Variants in PKD2L2 observed in about 807,000 individuals in gnomAD.
PKD2L2 encodes polycystin-2-like protein 2.
A neutral mutation model predicts 83.9 loss-of-function variants in PKD2L2; 67 were observed. That is an observed-to-expected ratio of 0.80 (90% CI 0.66 to 0.98). The LOEUF (loss-of-function observed/expected upper bound fraction) is 0.98. PKD2L2 is among the 50% of genes least tolerant of loss of function. The pLI is 0.00. For synonymous variants in PKD2L2, 223 were observed against 237.8 expected (o/e 0.94, Z 0.57); for missense variants, 632 against 717.2 (o/e 0.88, Z 1.36).
At chr5:137,889,887 A>T (rs1755798266) in intron 1 of PKD2L2, 1 of 275,040 alleles carries the variant, frequency 3.6e-6, no homozygotes, top group Non-Finnish European at 6.7e-6. Flanking sequence ...CTTCCCAAGA[A>T]GCTGTATTGA....
At chr5:137,911,011 C>T (rs975059518) in intron 8 of PKD2L2, among the ~76,000 whole-genome samples, 2 of 152,078 alleles carry the variant, frequency 1.3e-5, no homozygotes, top group East Asian at 3.8e-4. Context: ...TCTAAGTGTA[C>T]AGTTCAGTGA....
chr5:137,920,847 T>C (rs1431784008), intron 8 of PKD2L2, among the ~76,000 whole-genome samples: 3 of 152,010 alleles, frequency 2.0e-5, no homozygotes, highest in Non-Finnish European at 2.9e-5. Context: ...AAGTGACAAA[T>C]TGTTGGCATC....
intron 8 of PKD2L2, 42 bp downstream of exon 8, chr5:137,908,988 C>A: frequency 7.9e-7 from 1 of 1,262,002 alleles, no homozygotes; most frequent in Non-Finnish European, 1.1e-6. Flanking sequence ...TCTATATTTT[C>A]TTACAAAAAA....
At position 137,936,351 on chromosome 5, in the gene PKD2L2, G is replaced by A. The variant is rs1233599046; in HGVS notation, c.1816G>A (p.Glu606Lys). The part of the protein sequence containing the change: ...LFLYAVELEK[E>K]LHYINLKLNQ... ...TTTATATGCTGTGGAGCTGGAGAAG[G>A]AATTACACTACATCAATTTGAAGCT... Residue 606 changes from glutamate (E) to lysine (K), a missense_variant, in exon 14 of 15, where the codon GAA (glutamate) becomes AAA (lysine). Glu to Lys is a moderately conservative substitution (Grantham distance 56). Transcript: ENST00000508883. 1.3e-6 allele frequency: 2 copies of A among 1,532,048 alleles called. No individual in the cohort carries two copies. The highest frequency in any genetic ancestry group is 1.7e-6 in the Non-Finnish European group (2 of 1,143,058). 94.9% of individuals were successfully genotyped at this position (1,532,048 alleles called of 1,614,324 possible). A position where few individuals can be genotyped will look rare whatever the true frequency, so the allele number is the denominator to read the frequency against.
chr5:137,913,080 G>A (rs1361403556), intron 8 of PKD2L2, among the ~76,000 whole-genome samples: 1 of 150,092 alleles, frequency 6.7e-6, no homozygotes, highest in African/African-American at 2.5e-5. Flanking sequence ...TCACCATGTT[G>A]GCCAGGCTGG....
intron 2 of PKD2L2, among the ~76,000 whole-genome samples, chr5:137,891,390 A>G (rs571075096): frequency 6.6e-6 from 1 of 151,896 alleles, no homozygotes; most frequent in Non-Finnish European, 1.5e-5. Flanking sequence ...GCTTGAGCAC[A>G]GGAGGTCGAG....
chr5:137,922,471 C>T lies in PKD2L2; in HGVS notation c.1449+715C>T, dbSNP rs189124581. 4.6e-5 allele frequency among the ~76,000 whole-genome samples: 7 copies of T among 152,276 alleles called. No individual in the cohort carries two copies. In the East Asian group the frequency reaches 1.3e-3, roughly 29 times the overall value. ...AAACATCCTTGGCTGGACGCAGTGG[C>T]TCACACCTACAATCCTTGCACTTTG... On this transcript the variant is annotated intron_variant, in intron 9 of 14. Transcript: ENST00000508883.
At chr5:137,932,852 G>A (rs1222120029) in intron 12 of PKD2L2, among the ~76,000 whole-genome samples, 1 of 152,048 alleles carries the variant, frequency 6.6e-6, no homozygotes, top group Non-Finnish European at 1.5e-5. Flanking sequence ...GAGTCATCGA[G>A]GTGCTAAAGT....
intron 9 of PKD2L2, among the ~76,000 whole-genome samples, chr5:137,922,598 C>T (rs755219572): frequency 6.6e-6 from 1 of 151,800 alleles, no homozygotes; most frequent in Non-Finnish European, 1.5e-5. Context: ...ATTAGCTAGG[C>T]GTGGTGATGT....
chr5:137,926,765 G>A (rs1195517166), intron 12 of PKD2L2, among the ~76,000 whole-genome samples: 1 of 152,126 alleles, frequency 6.6e-6, no homozygotes, highest in Non-Finnish European at 1.5e-5. Flanking sequence ...GGTTTGAACT[G>A]CACAGGTCCA....
chr5:137,925,469 G>GT (rs1457335840), intron 11 of PKD2L2, among the ~76,000 whole-genome samples: 2 of 152,176 alleles, frequency 1.3e-5, no homozygotes, highest in African/African-American at 4.8e-5. Context: ...AGAAAAAGCT[G>GT]TAAGAGAAAG....
chr5:137,928,590 C>T (rs577358147), intron 12 of PKD2L2, among the ~76,000 whole-genome samples: 13 of 152,166 alleles, frequency 8.5e-5, no homozygotes, highest in Admixed American at 8.5e-4. Flanking sequence ...CGCCATCACA[C>T]CCAGCTAAAT....
intron 8 of PKD2L2, among the ~76,000 whole-genome samples, chr5:137,913,705 T>A (rs1758061035): frequency 6.6e-6 from 1 of 151,940 alleles, no homozygotes; most frequent in Non-Finnish European, 1.5e-5. Flanking sequence ...GCTAATTTTT[T>A]AAATGTATTT....
chr5:137,938,071 T>C (rs1254802267), intron 14 of PKD2L2: 6 of 152,202 alleles, frequency 3.9e-5, no homozygotes, highest in Non-Finnish European at 7.3e-5. Flanking sequence ...TATATAGATA[T>C]ACAGTTTTTA....
intron 14 of PKD2L2, among the ~76,000 whole-genome samples, chr5:137,940,664 A>C (rs1761436701): frequency 6.6e-6 from 1 of 152,188 alleles, no homozygotes; most frequent in African/African-American, 2.4e-5. Context: ...GTGTCTATTA[A>C]GTGTTGGAGG....
chr5:137,936,857 C>G (rs1258385106), intron 14 of PKD2L2, among the ~76,000 whole-genome samples: 1 of 152,216 alleles, frequency 6.6e-6, no homozygotes, highest in Non-Finnish European at 1.5e-5. Context: ...TCCTTAGGGT[C>G]AGAATGAAGT....
intron 9 of PKD2L2, 128 bp from the exon 10 acceptor site, chr5:137,923,292 G>C: frequency 1.8e-6 from 1 of 553,034 alleles, no homozygotes. Flanking sequence ...TGGGATTACA[G>C]GCGTGAGCCA....
At chr5:137,905,070 T>A (rs987482084) in intron 5 of PKD2L2, among the ~76,000 whole-genome samples, 2 of 152,246 alleles carry the variant, frequency 1.3e-5, no homozygotes, top group Non-Finnish European at 2.9e-5. Context: ...TATTTTTATG[T>A]TCTAAACAAG....
intron 5 of PKD2L2, 124 bp downstream of exon 5, chr5:137,899,861 T>G (rs1206278423): frequency 2.0e-6 from 1 of 502,644 alleles, no homozygotes; most frequent in African/African-American, 2.0e-5. Context: ...ATATGGATTT[T>G]TTTCAGTAAA....
Sources: allele counts gnomAD v4.1 joint callset (sites outside exome capture counted in the v4.1 genomes callset), GRCh38; gene constraint gnomAD v4.1.1; transcripts MANE v1.5; gene names NCBI Gene and HGNC (gene_info 2026-07-23, HGNC 2026-07-21).